The following SLC24A2 variants were observed in gnomAD, a reference collection of about 807,000 sequenced individuals.
SLC24A2 encodes solute carrier family 24 member 2.
Under a neutral mutation model 62.0 loss-of-function variants are expected in SLC24A2, and 36 were observed. The observed-to-expected ratio is 0.58, with a 90% CI of 0.44 to 0.77. The LOEUF (loss-of-function observed/expected upper bound fraction) is 0.77. Among genes scored for constraint, SLC24A2 ranks in the 30% least tolerant of loss-of-function variants. The probability of loss-of-function intolerance (pLI) is 0.00; values close to 1 mark genes in which losing one functional copy is unlikely to be tolerated. For synonymous variants in SLC24A2, 358 were observed against 294.0 expected (o/e 1.22, Z -2.23); for missense variants, 846 against 817.9 (o/e 1.03, Z -0.42).
chr9:20,217,814 G>C, the SLC24A2 span, among the ~76,000 whole-genome samples: 1 of 152,120 alleles, frequency 6.6e-6, no homozygotes, highest in African/African-American at 2.4e-5. Flanking sequence ...GTCACATCTG[G>C]CTATCTTCTG....
the SLC24A2 span, among the ~76,000 whole-genome samples, chr9:19,979,516 T>C: frequency 1.3e-5 from 2 of 152,314 alleles, no homozygotes; most frequent in Admixed American, 6.5e-5. Flanking sequence ...ACTGTACACA[T>C]ATAGACATAC....
chr9:20,056,068 C>T, the SLC24A2 span, among the ~76,000 whole-genome samples: 764 of 152,184 alleles, frequency 5.0e-3, 6 homozygotes, highest in African/African-American at 0.017. Flanking sequence ...TTCTAGAAGA[C>T]ATCTGCCTCA....
chr9:20,012,997 T>A, the SLC24A2 span, among the ~76,000 whole-genome samples: 16 of 152,134 alleles, frequency 1.1e-4, no homozygotes, highest in African/African-American at 3.9e-4. Context: ...GTCTATAAGT[T>A]TAATATAATT....
chr9:19,790,536 A>T (rs1823304321), upstream of SLC24A2, among the ~76,000 whole-genome samples: 1 of 148,852 alleles, frequency 6.7e-6, no homozygotes. Flanking sequence ...GCATCAAAAA[A>T]AAAAAAAAAA....
intron 5 of SLC24A2, among the ~76,000 whole-genome samples, chr9:19,585,550 C>T: frequency 6.6e-6 from 1 of 152,188 alleles, no homozygotes. Context: ...CTTATGGCTA[C>T]TAAGATGTCA....
chr9:19,715,983 G>C (rs1244861352), intron 2 of SLC24A2, among the ~76,000 whole-genome samples: 1 of 152,126 alleles, frequency 6.6e-6, no homozygotes, highest in Non-Finnish European at 1.5e-5. Flanking sequence ...CCCCCATTCA[G>C]CTAATCATGG....
chr9:19,886,677 T>C, the SLC24A2 span, among the ~76,000 whole-genome samples: 3 of 152,216 alleles, frequency 2.0e-5, no homozygotes, highest in Non-Finnish European at 4.4e-5. Flanking sequence ...AGAAATACCA[T>C]TTGACCCAGC....
At chr9:20,276,987 G>C in the SLC24A2 span, among the ~76,000 whole-genome samples, 1 of 152,184 alleles carries the variant, frequency 6.6e-6, no homozygotes, top group Non-Finnish European at 1.5e-5. Flanking sequence ...GCTTGTGATG[G>C]GAAGGGCTGC....
the SLC24A2 span, among the ~76,000 whole-genome samples, chr9:19,827,961 G>C: frequency 1.3e-5 from 2 of 152,136 alleles, no homozygotes; most frequent in African/African-American, 2.4e-5. Flanking sequence ...ACATGTGCAT[G>C]TCCTCTGCCA....
At chr9:19,671,358 T>C (rs1180106807) in intron 2 of SLC24A2, among the ~76,000 whole-genome samples, 1 of 151,910 alleles carries the variant, frequency 6.6e-6, no homozygotes, top group Non-Finnish European at 1.5e-5. Flanking sequence ...CTCAGCTTGG[T>C]CACTGTTGGT....
the SLC24A2 span, among the ~76,000 whole-genome samples, chr9:19,869,142 TG>T: frequency 5.9e-5 from 9 of 152,200 alleles, no homozygotes; most frequent in African/African-American, 2.2e-4. Flanking sequence ...CCACCATTCC[TG>T]GCTAATTTTT....
chr9:20,202,713 C>T, the SLC24A2 span, among the ~76,000 whole-genome samples: 2 of 151,842 alleles, frequency 1.3e-5, no homozygotes, highest in South Asian at 2.1e-4. Flanking sequence ...AAAGGCAAGT[C>T]GGATATATTG....
the SLC24A2 span, among the ~76,000 whole-genome samples, chr9:19,994,318 T>C: frequency 6.6e-6 from 1 of 152,046 alleles, no homozygotes; most frequent in Non-Finnish European, 1.5e-5. Flanking sequence ...AAACAAACTA[T>C]GGAAAGACAG....
the SLC24A2 span, among the ~76,000 whole-genome samples, chr9:19,923,814 C>T: frequency 6.6e-6 from 1 of 152,186 alleles, no homozygotes. Flanking sequence ...ATGGCACAAT[C>T]TTGGCTCATT....
chr9:19,902,333 G>T, the SLC24A2 span, among the ~76,000 whole-genome samples: 28 of 152,120 alleles, frequency 1.8e-4, no homozygotes, highest in African/African-American at 6.8e-4. Flanking sequence ...GACTGAGTAA[G>T]AATTTTCAAG....
chr9:20,289,520 T>G, the SLC24A2 span, among the ~76,000 whole-genome samples: 1 of 152,344 alleles, frequency 6.6e-6, no homozygotes, highest in South Asian at 2.1e-4. Context: ...CATTAACCTC[T>G]CTGAGTCTCG....
At chr9:19,832,792 A>G in the SLC24A2 span, among the ~76,000 whole-genome samples, 2 of 152,212 alleles carry the variant, frequency 1.3e-5, no homozygotes, top group South Asian at 4.1e-4. Context: ...CTACCATCAG[A>G]GTGAACAGGC....
chr9:19,765,926 G>A (rs1020175812), intron 2 of SLC24A2, among the ~76,000 whole-genome samples: 6 of 152,214 alleles, frequency 3.9e-5, no homozygotes, highest in East Asian at 1.9e-4. Context: ...TCACTTTCCG[G>A]TATACCAATC....
At chr9:20,236,433 G>C in the SLC24A2 span, among the ~76,000 whole-genome samples, 79 of 152,328 alleles carry the variant, frequency 5.2e-4, 1 homozygote, top group African/African-American at 1.9e-3. Flanking sequence ...TTGAAAGGGA[G>C]GAGGCCATCA....
Sources: gnomAD v4.1 joint callset for allele counts (sites outside exome capture counted in the v4.1 genomes callset) on GRCh38, gnomAD v4.1.1 for gene constraint, MANE v1.5 for transcripts, NCBI Gene and HGNC (gene_info 2026-07-23, HGNC 2026-07-21) for gene names.